Variants in IGLL1 observed in about 807,000 individuals in gnomAD.
The protein encoded by IGLL1 is immunoglobulin lambda like polypeptide 1.
A neutral mutation model predicts 10.5 loss-of-function variants in IGLL1; 10 were observed. That is an observed-to-expected ratio of 0.95 (90% CI 0.59 to 1.62). IGLL1 has a LOEUF of 1.62. Among genes scored for constraint, IGLL1 ranks in the 40% most tolerant of loss-of-function variants. The pLI, the probability that IGLL1 is intolerant of heterozygous loss-of-function variation, is 0.00. For missense variants in IGLL1, 284 were observed against 278.7 expected (o/e 1.02, Z -0.14); for synonymous variants, 141 against 122.7 (o/e 1.15, Z -0.99).
intron 1 of IGLL1, among the ~76,000 whole-genome samples, chr22:23,579,101 G>A (rs1010709899): frequency 6.6e-6 from 1 of 152,098 alleles, no homozygotes; most frequent in African/African-American, 2.4e-5. Context: ...GTGCCCATGA[G>A]CTGAGTGACT....
At chr22:23,574,462 G>A (rs1160300314) in intron 2 of IGLL1, among the ~76,000 whole-genome samples, 1 of 152,086 alleles carries the variant, frequency 6.6e-6, no homozygotes, top group Non-Finnish European at 1.5e-5. Flanking sequence ...ATGCCCTGAA[G>A]ACCCAGCAGA....
At chr22:23,574,873 T>C in intron 2 of IGLL1, 94 bp downstream of exon 2, 1 of 851,576 alleles carries the variant, frequency 1.2e-6, no homozygotes, top group South Asian at 1.4e-5. Context: ...TGCTTAAGGC[T>C]GGGAGGGCAG....
Position 23,580,252 on chromosome 22 carries a change from T to G in IGLL1, c.-62A>C, listed in dbSNP as rs995635543. ...GCAGTGTGGGCTCCCTAGAGAGTGG[T>G]GCCCTGGTCCCTCTCGCTGGCAGCA... On this transcript the variant is annotated 5_prime_UTR_variant, in exon 1 of 3. Coordinates refer to ENST00000330377, the MANE Select transcript of IGLL1 (RefSeq NM_020070.4). 3.6e-5 allele frequency: 55 copies of G among 1,532,218 alleles called. No homozygotes were observed. Among genetic ancestry groups the G allele is most frequent in the Admixed American group, 1.4e-4 (7 of 50,928 alleles). The allele number at this position is 1,532,218 out of a possible 1,614,324, so 94.9% of individuals were successfully genotyped here.
At chr22:23,579,032 A>G (rs537770608) in intron 1 of IGLL1, among the ~76,000 whole-genome samples, 1 of 152,188 alleles carries the variant, frequency 6.6e-6, no homozygotes, top group African/African-American at 2.4e-5. Context: ...TGTCCGCTCG[A>G]TCAGCTTAGA....
chr22:23,578,065 G>C (rs1373208301), intron 1 of IGLL1, among the ~76,000 whole-genome samples: 1 of 151,832 alleles, frequency 6.6e-6, no homozygotes, highest in Non-Finnish European at 1.5e-5. Flanking sequence ...TGTATTTTTA[G>C]TAGAGACGGA....
At position 23,573,144 on chromosome 22, in the gene IGLL1, G is replaced by A. The variant is rs946183376; in HGVS notation, c.*122C>T. ...GCAGGATTTCTGGTTGACAAAGAGGGTATTTATTTAGGGTTTACTGGGTAC... is the reference window on the plus strand; with the variant it reads ...GCAGGATTTCTGGTTGACAAAGAGGATATTTATTTAGGGTTTACTGGGTAC... On this transcript the variant is annotated 3_prime_UTR_variant, in exon 3 of 3. Coordinates refer to ENST00000330377, the MANE Select transcript of IGLL1 (RefSeq NM_020070.4). 9.8e-6 allele frequency: 8 copies of A among 816,802 alleles called. No homozygotes were observed. Among genetic ancestry groups the A allele is most frequent in the South Asian group, 3.1e-5 (2 of 63,532 alleles). 50.6% of individuals were successfully genotyped at this position (816,802 alleles called of 1,614,324 possible). A position where few individuals can be genotyped will look rare whatever the true frequency, so the allele number is the denominator to read the frequency against.
intron 1 of IGLL1, among the ~76,000 whole-genome samples, chr22:23,577,533 C>CTTTTT (rs869071437): frequency 7.0e-5 from 8 of 115,042 alleles, no homozygotes; most frequent in South Asian, 2.8e-4. Context: ...AATAATCAGT[C>CTTTTT]TTTTTTTTTT....
At position 23,580,174 on chromosome 22, in the gene IGLL1, C is replaced by A. The variant is rs1460659708; in HGVS notation, c.17G>T (p.Gly6Val). 6.5e-7 allele frequency: 1 copy of A among 1,542,686 alleles called. No homozygotes were observed. The highest frequency in any genetic ancestry group is 8.7e-7 in the Non-Finnish European group (1 of 1,147,952). Residue 6 changes from glycine to valine, a missense_variant, in exon 1 of 3, where the codon GGC becomes GTC. Coordinates refer to ENST00000330377, the MANE Select transcript of IGLL1 (RefSeq NM_020070.4). ...ACCAGGGGCCTCAAGGCCCCCCTGG[C>A]CTGTCCCTGGCCTCATCGGCCCTCA... MRPGT[G>V]QGGLEAPGEP...
At chr22:23,576,357 T>TC (rs1394690354) in intron 1 of IGLL1, among the ~76,000 whole-genome samples, 16 of 60,976 alleles carry the variant, frequency 2.6e-4, no homozygotes, top group African/African-American at 2.2e-4. Flanking sequence ...AGCAAGACTG[T>TC]CCCAAAAAAA....
intron 2 of IGLL1, among the ~76,000 whole-genome samples, chr22:23,574,022 GC>G (rs1347502971): frequency 6.6e-6 from 1 of 151,746 alleles, no homozygotes; most frequent in Non-Finnish European, 1.5e-5. Flanking sequence ...CCCCAGCCTG[GC>G]CCACTCAGCT....
intron 2 of IGLL1, among the ~76,000 whole-genome samples, chr22:23,574,428 C>A (rs1924954865): frequency 6.6e-6 from 1 of 151,602 alleles, no homozygotes; most frequent in South Asian, 2.1e-4. Flanking sequence ...GGCTCTGGGA[C>A]CTCATCCGTT....
intron 1 of IGLL1, among the ~76,000 whole-genome samples, chr22:23,577,233 G>A (rs531339048): frequency 1.4e-4 from 21 of 152,222 alleles, no homozygotes; most frequent in Non-Finnish European, 2.4e-4. Flanking sequence ...GCAACATGGC[G>A]AAACCTCATC....
intron 2 of IGLL1, among the ~76,000 whole-genome samples, chr22:23,574,221 G>A (rs1247687822): frequency 1.3e-5 from 2 of 151,442 alleles, no homozygotes; most frequent in Non-Finnish European, 2.9e-5. Context: ...TCACCTGGCA[G>A]CCATGGAGTT....
chr22:23,578,804 C>T (rs1457374871), intron 1 of IGLL1, among the ~76,000 whole-genome samples: 3 of 151,882 alleles, frequency 2.0e-5, no homozygotes, highest in Admixed American at 2.0e-4. Context: ...AAAAAAAATA[C>T]ACAAAATTAG....
At chr22:23,573,874 C>T (rs1924918889) in intron 2 of IGLL1, among the ~76,000 whole-genome samples, 1 of 151,990 alleles carries the variant, frequency 6.6e-6, no homozygotes. Context: ...GCTGTGCTCC[C>T]TCCTTCCTGG....
At chr22:23,575,571 CATCT>C (rs1427111750) in intron 1 of IGLL1, among the ~76,000 whole-genome samples, 3 of 152,168 alleles carry the variant, frequency 2.0e-5, no homozygotes, top group African/African-American at 4.8e-5. Flanking sequence ...TCCGTCCATC[CATCT>C]GTCCATCTGT....
intron 1 of IGLL1, among the ~76,000 whole-genome samples, chr22:23,577,053 T>A (rs540454993): frequency 6.6e-6 from 1 of 152,336 alleles, no homozygotes; most frequent in South Asian, 2.1e-4. Context: ...GTTTCATCCA[T>A]GTTGTAGAAG....
Position 23,577,533 on chromosome 22 carries a change from C to CTTT in IGLL1, c.206+2449_206+2451dup, listed in dbSNP as rs869071437. 5.1e-3 allele frequency among the ~76,000 whole-genome samples: 584 copies of CTTT among 115,006 alleles called. 19 individuals carry two copies. The highest frequency in any genetic ancestry group is 0.018 in the African/African-American group (496 of 27,918). 75.4% of individuals were successfully genotyped at this position (115,006 alleles called of 152,430 possible). A position where few individuals can be genotyped will look rare whatever the true frequency, so the allele number is the denominator to read the frequency against. On this transcript the variant is annotated intron_variant, in intron 1 of 2. Coordinates refer to ENST00000330377, the MANE Select transcript of IGLL1 (RefSeq NM_020070.4). ...CCAGAATTCTACAGGAATAATCAGT[C>CTTT]TTTTTTTTTTTTTTTTTTTTTTGAG...
chr22:23,577,533 CT>C (rs869071437), intron 1 of IGLL1, among the ~76,000 whole-genome samples: 11,404 of 114,972 alleles, frequency 0.099, 302 homozygotes, highest in African/African-American at 0.22. Flanking sequence ...AATAATCAGT[CT>C]TTTTTTTTTT....
Sources: gnomAD v4.1 joint callset for allele counts (sites outside exome capture counted in the v4.1 genomes callset) on GRCh38, gnomAD v4.1.1 for gene constraint, MANE v1.5 for transcripts, NCBI Gene and HGNC (gene_info 2026-07-23, HGNC 2026-07-21) for gene names.